The following UGT1A8 variants were observed in gnomAD, a reference collection of about 807,000 sequenced individuals.
The protein encoded by UGT1A8 is UDP glucuronosyltransferase family 1 member A8.
In UGT1A8, 39 loss-of-function variants were observed where a neutral mutation model predicts 45.3. The ratio of observed to expected loss-of-function variants is 0.86; its 90% CI spans 0.67 to 1.12. The LOEUF is 1.12. Among genes scored for constraint, UGT1A8 ranks in the 50% most tolerant of loss-of-function variants. UGT1A8 has a pLI of 0.00. For synonymous variants in UGT1A8, 275 were observed against 249.2 expected (o/e 1.10, Z -0.97); for missense variants, 719 against 664.9 (o/e 1.08, Z -0.90).
At chr2:233,731,543 TC>T (rs2078176266) in intron 1 of UGT1A8, among the ~76,000 whole-genome samples, 2 of 152,228 alleles carry the variant, frequency 1.3e-5, no homozygotes, top group South Asian at 4.1e-4. Context: ...TGTTTGGTTT[TC>T]TGTCCATGTG....
intron 1 of UGT1A8, among the ~76,000 whole-genome samples, chr2:233,661,627 C>G (rs1210357290): frequency 9.4e-6 from 1 of 106,136 alleles, no homozygotes; most frequent in East Asian, 2.8e-4. Flanking sequence ...ACTGAATTTT[C>G]TTTCTTTCTT....
chr2:233,756,388 A>G (rs1696196627), intron 1 of UGT1A8: 1 of 152,140 alleles, frequency 6.6e-6, no homozygotes, highest in Admixed American at 6.5e-5. Flanking sequence ...TAGTTGTTTT[A>G]CAGTATTGGT....
intron 1 of UGT1A8, among the ~76,000 whole-genome samples, chr2:233,645,410 C>T (rs560349936): frequency 1.1e-4 from 16 of 152,290 alleles, no homozygotes; most frequent in Non-Finnish European, 7.4e-5. Context: ...CCAACAGTCC[C>T]GCAAAGTCTC....
chr2:233,710,974 T>C (rs898828388), intron 1 of UGT1A8, among the ~76,000 whole-genome samples: 1 of 152,234 alleles, frequency 6.6e-6, no homozygotes, highest in African/African-American at 2.4e-5. Flanking sequence ...GAGGGGAATA[T>C]ACAATCATTC....
At chr2:233,689,461 A>G (rs1259384419) in intron 1 of UGT1A8, among the ~76,000 whole-genome samples, 1 of 152,230 alleles carries the variant, frequency 6.6e-6, no homozygotes, top group African/African-American at 2.4e-5. Context: ...ACATTTTAGG[A>G]AAACAGAAGT....
intron 1 of UGT1A8, among the ~76,000 whole-genome samples, chr2:233,679,700 C>G (rs892784889): frequency 1.3e-5 from 2 of 152,128 alleles, no homozygotes; most frequent in Non-Finnish European, 1.5e-5. Flanking sequence ...GGCTGGTTCT[C>G]CTGTTATCTG....
In UGT1A8 at chr2:233,742,835, A is replaced by G. The variant is rs1692114452; in HGVS notation, c.856-24199A>G. 10 of 157,840 alleles carry G rather than the reference A, an allele frequency of 6.3e-5. No individual in the cohort carries two copies. In the South Asian group the frequency reaches 1.7e-3, roughly 27 times the overall value. 9.8% of individuals were successfully genotyped at this position (157,840 alleles called of 1,614,324 possible). A position where few individuals can be genotyped will look rare whatever the true frequency, so the allele number is the denominator to read the frequency against. ...TATTATTTGTAGATTTCACCACTAC[A>G]CACTAAACAATAAAGTCAAATGATT... On this transcript the variant is annotated intron_variant, in intron 1 of 4. Coordinates refer to ENST00000373450, the MANE Select transcript of UGT1A8 (RefSeq NM_019076.5).
At chr2:233,719,370 G>A (rs1322563155) in intron 1 of UGT1A8, 5 of 1,613,830 alleles carry the variant, frequency 3.1e-6, no homozygotes, top group Non-Finnish European at 3.4e-6. Flanking sequence ...AGACTTTAAG[G>A]GCACACAGTG....
chr2:233,718,172 C>T lies in UGT1A8; in HGVS notation c.856-48862C>T, dbSNP rs559286089. 3.8e-5 allele frequency: 9 copies of T among 238,986 alleles called. No individual in the cohort carries two copies. In the East Asian group the frequency reaches 7.1e-4, roughly 19 times the overall value. 14.8% of individuals were successfully genotyped at this position (238,986 alleles called of 1,614,324 possible). Reference sequence around the variant, plus strand: ...AGCCTTCCCAAGAATATGATCATCACATCTTGAGCTCAGCCTCCCCGGAGC... The same window carrying T: ...AGCCTTCCCAAGAATATGATCATCATATCTTGAGCTCAGCCTCCCCGGAGC... On this transcript the variant is annotated intron_variant, in intron 1 of 4. Transcript: ENST00000373450.
intron 1 of UGT1A8, chr2:233,637,326 C>G: frequency 6.2e-7 from 1 of 1,613,962 alleles, no homozygotes; most frequent in Non-Finnish European, 8.5e-7. Flanking sequence ...TGATGCCCAA[C>G]ATGATCTTCA....
intron 1 of UGT1A8, among the ~76,000 whole-genome samples, chr2:233,651,732 T>C (rs1372182963): frequency 6.6e-6 from 1 of 152,192 alleles, no homozygotes; most frequent in Non-Finnish European, 1.5e-5. Flanking sequence ...AGTCATAGTC[T>C]GAAGTGTCTG....
rs1559354057 is a variant in UGT1A8 at position 233,705,289 on chromosome 2, C to T, written c.856-61745C>T. Among the ~76,000 whole-genome samples, 7 of 152,252 alleles carry T rather than the reference C, an allele frequency of 4.6e-5. 1 individual carries two copies. In the Middle Eastern group the frequency reaches 0.017, roughly 370 times the overall value. ...ACTTGCTTTCAACCTGAAGAACTTC[C>T]TTTAGTATTTCTTGTAAGTTGAGTT... On this transcript the variant is annotated intron_variant, in intron 1 of 4. Transcript: ENST00000373450.
intron 1 of UGT1A8, among the ~76,000 whole-genome samples, chr2:233,707,756 ATG>A (rs1340445888): frequency 2.0e-5 from 3 of 152,182 alleles, no homozygotes; most frequent in African/African-American, 4.8e-5. Context: ...TCTGAAACAC[ATG>A]TGAGTGGGTT....
chr2:233,726,889 C>T (rs1279562155), intron 1 of UGT1A8, among the ~76,000 whole-genome samples: 1 of 152,192 alleles, frequency 6.6e-6, no homozygotes, highest in Non-Finnish European at 1.5e-5. Context: ...GAGCTATCAG[C>T]TTACCATTCA....
chr2:233,675,193 TGGCCCC>T (rs947693177), intron 1 of UGT1A8, among the ~76,000 whole-genome samples: 1 of 152,164 alleles, frequency 6.6e-6, no homozygotes, highest in Admixed American at 6.6e-5. Context: ...GGATGGCAGA[TGGCCCC>T]GTCTTCAATG....
At chr2:233,738,830 G>A (rs1258075165) in intron 1 of UGT1A8, 1 of 152,196 alleles carries the variant, frequency 6.6e-6, no homozygotes, top group African/African-American at 2.4e-5. Context: ...AAATAAGGAG[G>A]AACCAAATGT....
intron 1 of UGT1A8, among the ~76,000 whole-genome samples, chr2:233,662,887 G>A (rs557225384): frequency 2.0e-5 from 3 of 148,270 alleles, no homozygotes; most frequent in African/African-American, 7.4e-5. Context: ...TATTAAGATT[G>A]CTACATGGTT....
intron 1 of UGT1A8, chr2:233,729,128 T>C (rs765683446): frequency 2.4e-5 from 38 of 1,613,072 alleles, no homozygotes; most frequent in Non-Finnish European, 3.1e-5. Context: ...TCTGCTGAGA[T>C]GGCCACAGGA....
intron 1 of UGT1A8, among the ~76,000 whole-genome samples, chr2:233,628,882 T>C (rs769576877): frequency 2.0e-4 from 30 of 152,184 alleles, no homozygotes; most frequent in South Asian, 6.2e-4. Flanking sequence ...TATATGCTTA[T>C]ACTTTTTTAG....
Sources: gnomAD v4.1 joint callset for allele counts (sites outside exome capture counted in the v4.1 genomes callset) on GRCh38, gnomAD v4.1.1 for gene constraint, MANE v1.5 for transcripts, NCBI Gene and HGNC (gene_info 2026-07-23, HGNC 2026-07-21) for gene names.